ATRNL1: variants seen among roughly 807,000 people sequenced by gnomAD.
The protein encoded by ATRNL1 is attractin like 1.
In ATRNL1, 95 loss-of-function variants were observed where a neutral mutation model predicts 182.7. The observed-to-expected ratio is 0.52, with a 90% CI of 0.44 to 0.62. The LOEUF (loss-of-function observed/expected upper bound fraction) is 0.62. ATRNL1 is among the 20% of genes least tolerant of loss of function. ATRNL1 has a pLI of 0.00. For synonymous variants in ATRNL1, 576 were observed against 568.3 expected (o/e 1.01, Z -0.19); for missense variants, 1,471 against 1,679.5 (o/e 0.88, Z 2.17).
chr10:115,512,812 T>G (rs1850454578), intron 24 of ATRNL1, among the ~76,000 whole-genome samples: 1 of 151,948 alleles, frequency 6.6e-6, no homozygotes, highest in South Asian at 2.1e-4. Context: ...CATGAGTGTC[T>G]TTAAGAAGTG....
intron 26 of ATRNL1, among the ~76,000 whole-genome samples, chr10:115,716,058 A>C (rs1947240650): frequency 6.6e-6 from 1 of 152,208 alleles, no homozygotes; most frequent in African/African-American, 2.4e-5. Context: ...TTCACATTTA[A>C]AAAATTCAAA....
At chr10:115,457,802 A>G (rs1215307998) in intron 21 of ATRNL1, among the ~76,000 whole-genome samples, 2 of 151,708 alleles carry the variant, frequency 1.3e-5, no homozygotes, top group South Asian at 2.1e-4. Context: ...ATCACCTTTT[A>G]CCTACCTCAG....
At chr10:115,809,023 T>C (rs1399325703) in intron 27 of ATRNL1, among the ~76,000 whole-genome samples, 1 of 152,128 alleles carries the variant, frequency 6.6e-6, no homozygotes, top group African/African-American at 2.4e-5. Context: ...TGTTTGTTTT[T>C]CTTAATGTTG....
Position 115,323,575 on chromosome 10 carries a change from G to C in ATRNL1, c.3037+7839G>C, listed in dbSNP as rs188795752. Among the ~76,000 whole-genome samples, 220 of 151,550 alleles carry C rather than the reference G, an allele frequency of 1.5e-3. 8 individuals carry two copies. The highest frequency in any genetic ancestry group is 0.012 in the Admixed American group (179 of 15,200). On this transcript the variant is annotated intron_variant, in intron 18 of 28. Coordinates refer to ENST00000355044, the MANE Select transcript of ATRNL1 (RefSeq NM_207303.4). ...TTCTCCTGCCTCAGCCTCCTGAGTAGCTGGGATTACAGGCATGTGCCACCA... is the reference window on the plus strand; with the variant it reads ...TTCTCCTGCCTCAGCCTCCTGAGTACCTGGGATTACAGGCATGTGCCACCA...
chr10:115,231,498 G>C (rs1233324158), intron 9 of ATRNL1, among the ~76,000 whole-genome samples: 1 of 152,150 alleles, frequency 6.6e-6, no homozygotes, highest in Non-Finnish European at 1.5e-5. Flanking sequence ...AGGGTAACAA[G>C]TGGTAAGGGA....
At chr10:115,631,801 G>A (rs1210992726) in intron 26 of ATRNL1, among the ~76,000 whole-genome samples, 1 of 152,042 alleles carries the variant, frequency 6.6e-6, no homozygotes, top group Admixed American at 6.6e-5. Context: ...ATCACATTTT[G>A]AAAGGAAGAG....
intron 28 of ATRNL1, among the ~76,000 whole-genome samples, chr10:115,864,891 A>AGAAT (rs1951400965): frequency 6.6e-6 from 1 of 151,690 alleles, no homozygotes; most frequent in Admixed American, 6.6e-5. Flanking sequence ...CTGAGGCAGG[A>AGAAT]GAATGGCGTG....
chr10:115,890,786 T>C (rs1236775209), intron 28 of ATRNL1, among the ~76,000 whole-genome samples: 3 of 152,202 alleles, frequency 2.0e-5, no homozygotes. Context: ...CCTTTTAGTG[T>C]CTGACACCTT....
chr10:115,668,995 A>T (rs1467139605), intron 26 of ATRNL1, among the ~76,000 whole-genome samples: 1 of 152,144 alleles, frequency 6.6e-6, no homozygotes, highest in Non-Finnish European at 1.5e-5. Context: ...CCAGAAAAAA[A>T]TGCTTCGTAT....
chr10:115,732,880 T>C (rs1301746457), intron 27 of ATRNL1, among the ~76,000 whole-genome samples: 1 of 152,192 alleles, frequency 6.6e-6, no homozygotes, highest in Non-Finnish European at 1.5e-5. Context: ...TAGTCATAGA[T>C]AATTGTGGAT....
chr10:115,550,521 G>A (rs1365943484), intron 26 of ATRNL1, among the ~76,000 whole-genome samples: 2 of 151,682 alleles, frequency 1.3e-5, no homozygotes, highest in East Asian at 3.9e-4. Context: ...TAATATATTT[G>A]CAAACTGGAG....
chr10:115,654,301 C>T (rs1860194163), intron 26 of ATRNL1, among the ~76,000 whole-genome samples: 1 of 151,730 alleles, frequency 6.6e-6, no homozygotes, highest in African/African-American at 2.4e-5. Flanking sequence ...CTCACTGCAA[C>T]CTCTGCCTCT....
At chr10:115,185,894 G>A (rs1294087626) in intron 8 of ATRNL1, among the ~76,000 whole-genome samples, 1 of 152,006 alleles carries the variant, frequency 6.6e-6, no homozygotes, top group Non-Finnish European at 1.5e-5. Context: ...GACATTACGT[G>A]TGGTAGAGTT....
At chr10:115,859,838 T>C (rs1474981880) in intron 28 of ATRNL1, among the ~76,000 whole-genome samples, 1 of 152,194 alleles carries the variant, frequency 6.6e-6, no homozygotes, top group East Asian at 1.9e-4. Flanking sequence ...AATGTAATTC[T>C]ATAAAAGGTA....
intron 5 of ATRNL1, among the ~76,000 whole-genome samples, chr10:115,156,793 T>C (rs532191946): frequency 2.6e-4 from 39 of 152,146 alleles, no homozygotes; most frequent in Non-Finnish European, 3.2e-4. Flanking sequence ...TGGGGATATA[T>C]TGCATGAGAT....
intron 5 of ATRNL1, among the ~76,000 whole-genome samples, chr10:115,154,149 A>G (rs1846382489): frequency 6.6e-6 from 1 of 151,578 alleles, no homozygotes; most frequent in South Asian, 2.1e-4. Flanking sequence ...CAATTTTGGA[A>G]TAAGTGCGAT....
At chr10:115,405,162 A>T (rs1554957900) in intron 20 of ATRNL1, among the ~76,000 whole-genome samples, 1 of 152,210 alleles carries the variant, frequency 6.6e-6, no homozygotes, top group Non-Finnish European at 1.5e-5. Context: ...CTATATATTT[A>T]TTATTAAGTT....
At chr10:115,165,790 A>G in intron 7 of ATRNL1, 145 bp downstream of exon 7, 1 of 403,988 alleles carries the variant, frequency 2.5e-6, no homozygotes, top group Non-Finnish European at 4.4e-6. Flanking sequence ...GATACCACAT[A>G]CTCTTATGCT....
rs1247449731 is a variant in ATRNL1, at chr10:115,202,707, T to C, written c.1349-12990T>C. Among the ~76,000 whole-genome samples the C allele has an allele frequency of 5.5e-5, 8 of 145,050 alleles. No individual in the cohort carries two copies. In the East Asian group the frequency reaches 1.2e-3, roughly 22 times the overall value. ...TCTAAAATTCTCTTTTTTGGTTGTGTCTCTGCCCGGCTTTGGTATCAGGAT... is the reference window on the plus strand; with the variant it reads ...TCTAAAATTCTCTTTTTTGGTTGTGCCTCTGCCCGGCTTTGGTATCAGGAT... On this transcript the variant is annotated intron_variant, in intron 8 of 28. Coordinates refer to ENST00000355044, the MANE Select transcript of ATRNL1 (RefSeq NM_207303.4).
Sources: gnomAD v4.1 joint callset for allele counts (sites outside exome capture counted in the v4.1 genomes callset) on GRCh38, gnomAD v4.1.1 for gene constraint, MANE v1.5 for transcripts, NCBI Gene and HGNC (gene_info 2026-07-23, HGNC 2026-07-21) for gene names.